The following GRID2 variants were observed in gnomAD, a reference collection of about 807,000 sequenced individuals.
GRID2 encodes the protein glutamate ionotropic receptor delta type subunit 2, also known as glutamate receptor ionotropic, delta-2.
GRID2 carries 33 observed loss-of-function variants against 114.8 expected under a neutral mutation model. The observed-to-expected ratio is 0.29, with a 90% CI of 0.22 to 0.38. The LOEUF is 0.38. Among genes scored for constraint, GRID2 ranks in the 10% least tolerant of loss-of-function variants. The pLI is 1.00. For missense variants in GRID2, 1,184 were observed against 1,257.7 expected, an observed-to-expected ratio of 0.94 and a Z score of 0.89; for synonymous variants, 505 against 449.9, an observed-to-expected ratio of 1.12 and a Z score of -1.55.
At chr4:93,447,038 A>G (rs1722158345) in intron 10 of GRID2, among the ~76,000 whole-genome samples, 1 of 151,914 alleles carries the variant, frequency 6.6e-6, no homozygotes, top group African/African-American at 2.4e-5. Flanking sequence ...CAATAAAATT[A>G]AGATGAATAA....
intron 14 of GRID2, among the ~76,000 whole-genome samples, chr4:93,752,360 T>TTTTATTTATTTATTTATTTATTTATTTA (rs58427324): frequency 1.3e-5 from 2 of 149,154 alleles, no homozygotes; most frequent in East Asian, 4.0e-4. Context: ...CATACTGTTC[T>TTTTATTTATTTATTTATTTATTTATTTA]TTTATTTATT....
intron 2 of GRID2, among the ~76,000 whole-genome samples, chr4:92,718,145 T>C (rs1014499886): frequency 6.6e-6 from 1 of 152,132 alleles, no homozygotes; most frequent in East Asian, 1.9e-4. Flanking sequence ...TGCCCACAAA[T>C]ACAATCTCAT....
chr4:93,798,458 G>A (rs1186388500), intron 1 of GRID2, among the ~76,000 whole-genome samples: 1 of 152,070 alleles, frequency 6.6e-6, no homozygotes, highest in Non-Finnish European at 1.5e-5. Flanking sequence ...AGGAACCCAG[G>A]ATCTTGGCAC....
At chr4:92,750,058 T>G (rs759159919) in intron 2 of GRID2, among the ~76,000 whole-genome samples, 3 of 152,024 alleles carry the variant, frequency 2.0e-5, no homozygotes, top group Non-Finnish European at 4.4e-5. Context: ...ACAGGGTTTC[T>G]CCATATTGCT....
intron 8 of GRID2, among the ~76,000 whole-genome samples, chr4:93,251,597 T>C (rs1453637046): frequency 6.6e-6 from 1 of 152,162 alleles, no homozygotes. Context: ...TACAGATTAT[T>C]TTATCACTCA....
At chr4:92,926,462 A>C (rs1749815826) in intron 2 of GRID2, among the ~76,000 whole-genome samples, 1 of 152,000 alleles carries the variant, frequency 6.6e-6, no homozygotes, top group African/African-American at 2.4e-5. Flanking sequence ...CTGTTGCTAT[A>C]ATAAATTTCA....
chr4:92,538,250 A>T (rs944315242), intron 1 of GRID2, among the ~76,000 whole-genome samples: 1 of 152,136 alleles, frequency 6.6e-6, no homozygotes, highest in Non-Finnish European at 1.5e-5. Flanking sequence ...ATATTCAATA[A>T]CCCTAACAAT....
At chr4:92,449,435 G>T (rs1229181898) in intron 1 of GRID2, among the ~76,000 whole-genome samples, 1 of 151,560 alleles carries the variant, frequency 6.6e-6, no homozygotes, top group African/African-American at 2.4e-5. Flanking sequence ...ACAAATTATT[G>T]TATTAGTGGA....
intron 2 of GRID2, among the ~76,000 whole-genome samples, chr4:92,973,614 C>T (rs1434347791): frequency 6.6e-6 from 1 of 151,928 alleles, no homozygotes; most frequent in African/African-American, 2.4e-5. Flanking sequence ...ATTAAGAGCA[C>T]CAGAACCTGA....
rs902039461 is a variant in GRID2, at chr4:93,773,828, G to A, written c.*1330G>A. On this transcript the variant is annotated 3_prime_UTR_variant, in exon 16 of 16. Coordinates refer to ENST00000282020, the MANE Select transcript of GRID2 (RefSeq NM_001510.4). ...CCTTTTTTATTTAGTTCTATTTGGA[G>A]GAGTTATGTATTTTTTACATTAGTG... The A allele has an allele frequency of 1.2e-4, 18 of 152,060 alleles. No individual in the cohort carries two copies. Among genetic ancestry groups the A allele is most frequent in the African/African-American group, 4.1e-4 (17 of 41,434 alleles). 9.4% of individuals were successfully genotyped at this position (152,060 alleles called of 1,614,324 possible).
At chr4:92,658,205 A>G (rs1732341831) in intron 2 of GRID2, among the ~76,000 whole-genome samples, 1 of 151,790 alleles carries the variant, frequency 6.6e-6, no homozygotes, top group Admixed American at 6.6e-5. Flanking sequence ...GATCCATTCA[A>G]AGTAGATTTA....
intron 2 of GRID2, among the ~76,000 whole-genome samples, chr4:92,722,912 AG>A (rs1156629278): frequency 1.3e-5 from 2 of 152,184 alleles, no homozygotes; most frequent in Non-Finnish European, 2.9e-5. Flanking sequence ...CTCAAACTTT[AG>A]GCTGTATATT....
chr4:92,336,203 T>A (rs773645881), intron 1 of GRID2, among the ~76,000 whole-genome samples: 1 of 152,300 alleles, frequency 6.6e-6, no homozygotes, highest in Non-Finnish European at 1.5e-5. Context: ...GACACCATAA[T>A]CTTCATATAT....
intron 2 of GRID2, among the ~76,000 whole-genome samples, chr4:92,931,511 T>C (rs540944509): frequency 2.0e-5 from 3 of 150,832 alleles, no homozygotes; most frequent in Admixed American, 6.6e-5. Context: ...ATATGATACA[T>C]AAATATTGGG....
chr4:92,923,898 G>T (rs1749581359), intron 2 of GRID2, among the ~76,000 whole-genome samples: 1 of 152,036 alleles, frequency 6.6e-6, no homozygotes, highest in Non-Finnish European at 1.5e-5. Context: ...CTGATTACTG[G>T]GTATATACCC....
At position 93,614,545 on chromosome 4, in the gene GRID2, A is replaced by G. The variant is rs561103011; in HGVS notation, c.2194-11724A>G. Among the ~76,000 whole-genome samples, 5 of 152,180 alleles carry G rather than the reference A, an allele frequency of 3.3e-5. No individual in the cohort carries two copies. In the South Asian group the frequency reaches 1.0e-3, roughly 32 times the overall value. On this transcript the variant is annotated intron_variant, in intron 13 of 15. Transcript: ENST00000282020. ...ACATAAAAACATGAAATAGTCATTT[A>G]TTTAAAATTATATATTATTCTGTAT...
chr4:92,547,130 C>G (rs13130344), intron 1 of GRID2, among the ~76,000 whole-genome samples: 33,240 of 152,092 alleles, frequency 0.22, 3,930 homozygotes, highest in South Asian at 0.3. Context: ...TATTTGGTCT[C>G]TATTATATCT....
At chr4:92,513,134 ATTG>A (rs2149133307) in intron 1 of GRID2, among the ~76,000 whole-genome samples, 1 of 152,002 alleles carries the variant, frequency 6.6e-6, no homozygotes. Context: ...GATTTGTATC[ATTG>A]TTAATTGCTG....
rs1553999493 is a variant in GRID2, at chr4:93,163,396, A to ATG, written c.736-44007_736-44006insGT. Among the ~76,000 whole-genome samples the ATG allele has an allele frequency of 2.7e-3, 111 of 41,808 alleles. 1 individual carries two copies. The highest frequency in any genetic ancestry group is 9.9e-3 in the African/African-American group (108 of 10,958). 27.4% of individuals were successfully genotyped at this position (41,808 alleles called of 152,430 possible). A position where few individuals can be genotyped will look rare whatever the true frequency, so the allele number is the denominator to read the frequency against. On this transcript the variant is annotated intron_variant, in intron 4 of 15. Coordinates refer to ENST00000282020, the MANE Select transcript of GRID2 (RefSeq NM_001510.4). ...TATATATATATATATATATATATAT[A>ATG]TATACACTATATATATACATACATG...
Sources: allele counts gnomAD v4.1 joint callset (sites outside exome capture counted in the v4.1 genomes callset), GRCh38; gene constraint gnomAD v4.1.1; transcripts MANE v1.5; gene names NCBI Gene and HGNC (gene_info 2026-07-23, HGNC 2026-07-21).